Variants in KIRREL3 observed in about 807,000 individuals in gnomAD.
KIRREL3 encodes the protein kirre like nephrin family adhesion molecule 3, also known as kin of IRRE-like protein 3.
A neutral mutation model predicts 89.7 loss-of-function variants in KIRREL3; 36 were observed. The observed-to-expected ratio is 0.40, with a 90% CI of 0.31 to 0.53. The LOEUF is 0.53. KIRREL3 is among the 20% of genes least tolerant of loss of function. The pLI, the probability that KIRREL3 is intolerant of heterozygous loss-of-function variation, is 0.49. For synonymous variants in KIRREL3, 445 were observed against 441.4 expected (o/e 1.01, Z -0.10); for missense variants, 864 against 1,056.6 (o/e 0.82, Z 2.53).
intron 1 of KIRREL3, among the ~76,000 whole-genome samples, chr11:126,745,295 G>T (rs148715258): frequency 9.1e-4 from 138 of 152,142 alleles, no homozygotes; most frequent in African/African-American, 3.2e-3. Context: ...ACATGCTATA[G>T]CAATTCAAAA....
At chr11:126,543,604 C>T (rs1445856202) in intron 2 of KIRREL3, among the ~76,000 whole-genome samples, 1 of 152,054 alleles carries the variant, frequency 6.6e-6, no homozygotes, top group Non-Finnish European at 1.5e-5. Context: ...CACTACTGTG[C>T]CCCCTACCTG....
At position 126,555,214 on chromosome 11, in the gene KIRREL3, T is replaced by A. The variant is rs1182860067; in HGVS notation, c.133+7621A>T. Among the ~76,000 whole-genome samples, 1 of 152,046 alleles carries A rather than the reference T, an allele frequency of 6.6e-6. No homozygotes were observed. The highest frequency in any genetic ancestry group is 1.5e-5 in the Non-Finnish European group (1 of 68,012). ...GTGACTGGCCGGTTCCAGCGTTCAT[T>A]CCCTCTGGTTCCTGCACTTGCTTGC... On this transcript the variant is annotated intron_variant, in intron 2 of 16. Transcript: ENST00000525144. This position sits in a 1 kb window ranked among gnomAD's most constrained non-coding sequence, Gnocchi z 4.2.
intron 1 of KIRREL3, among the ~76,000 whole-genome samples, chr11:126,659,738 G>C (rs927004126): frequency 7.9e-5 from 12 of 152,218 alleles, no homozygotes; most frequent in Non-Finnish European, 1.2e-4. Flanking sequence ...TGATGTGCTT[G>C]ATAACAATGC....
At chr11:126,800,863 G>A (rs1374602622) in intron 1 of KIRREL3, among the ~76,000 whole-genome samples, 1 of 152,208 alleles carries the variant, frequency 6.6e-6, no homozygotes, top group Non-Finnish European at 1.5e-5. Context: ...GGGGGATAAT[G>A]GGATGGTGGA....
rs1949393293 is a variant in KIRREL3 at position 126,970,222 on chromosome 11, T to C, written c.55+30233A>G. 6.6e-6 allele frequency among the ~76,000 whole-genome samples: 1 copy of C among 152,220 alleles called. No homozygotes were observed. The highest frequency in any genetic ancestry group is 6.5e-5 in the Admixed American group (1 of 15,284). On this transcript the variant is annotated intron_variant, in intron 1 of 16. Transcript: ENST00000525144. The surrounding 1 kb of genome is among the most constrained non-coding windows in gnomAD (Gnocchi z 4.4). ...TAATTCCACTTAAGACACTCTTGTTTCCCCGTATTTTTACTCATTTCCTTT... is the reference window on the plus strand; with the variant it reads ...TAATTCCACTTAAGACACTCTTGTTCCCCCGTATTTTTACTCATTTCCTTT...
chr11:126,799,320 A>T (rs554000210), intron 1 of KIRREL3, among the ~76,000 whole-genome samples: 37 of 27,776 alleles, frequency 1.3e-3, no homozygotes, highest in African/African-American at 6.6e-3. Flanking sequence ...GTGTGTACCT[A>T]TGTGTATCTG....
chr11:126,808,200 G>T lies in KIRREL3; in HGVS notation c.55+192255C>A, dbSNP rs1951266553. On this transcript the variant is annotated intron_variant, in intron 1 of 16. Transcript: ENST00000525144. This position sits in a 1 kb window ranked among gnomAD's most constrained non-coding sequence, Gnocchi z 4.1. The stretch of plus-strand genomic sequence containing the variant: ...TCATCTTGAGGCTGGGAGCATAAAG[G>T]AAAGAGGGATCCATGGAGTAAGAGG... 6.6e-6 allele frequency among the ~76,000 whole-genome samples: 1 copy of T among 152,196 alleles called. No homozygotes were observed. The highest frequency in any genetic ancestry group is 1.5e-5 in the Non-Finnish European group (1 of 68,016).
chr11:126,929,629 C>T (rs1036906338), intron 1 of KIRREL3, among the ~76,000 whole-genome samples: 1 of 152,204 alleles, frequency 6.6e-6, no homozygotes. Context: ...TTTGCAGCAG[C>T]AAGACCCAGA....
Position 126,553,444 on chromosome 11 carries a change from C to G in KIRREL3, c.133+9391G>C, listed in dbSNP as rs1210675519. On this transcript the variant is annotated intron_variant, in intron 2 of 16. Coordinates refer to ENST00000525144, the MANE Select transcript of KIRREL3 (RefSeq NM_032531.4). This position sits in a 1 kb window ranked among gnomAD's most constrained non-coding sequence, Gnocchi z 4.7. ...TCTTCCACATAGCCACTGGCAGTCT[C>G]TGTCTCTCTTGCTGGCAGACAGAAT... is the stretch of plus-strand genomic sequence containing the variant. Among the ~76,000 whole-genome samples the G allele has an allele frequency of 1.3e-5, 2 of 152,222 alleles. No homozygotes were observed. Among genetic ancestry groups the G allele is most frequent in the African/African-American group, 2.4e-5 (1 of 41,454 alleles).
intron 2 of KIRREL3, chr11:126,549,962 T>G (rs1018586227): frequency 6.6e-6 from 1 of 152,240 alleles, no homozygotes; most frequent in Non-Finnish European, 1.5e-5. Context: ...CCAGAAGCCA[T>G]GCTGGACACT....
rs1344229010 is a variant in KIRREL3 at position 126,668,962 on chromosome 11, T to A, written c.56-106050A>T. 6.6e-6 allele frequency among the ~76,000 whole-genome samples: 1 copy of A among 151,876 alleles called. No homozygotes were observed. Among genetic ancestry groups the A allele is most frequent in the African/African-American group, 2.4e-5 (1 of 41,306 alleles). Reference sequence around the variant, plus strand: ...GGGTGCTGGGTACTGACAGTAAGAGTGTCCAGGATGAGGGAATGCATGTTT... The same window carrying A: ...GGGTGCTGGGTACTGACAGTAAGAGAGTCCAGGATGAGGGAATGCATGTTT... On this transcript the variant is annotated intron_variant, in intron 1 of 16. Coordinates refer to ENST00000525144, the MANE Select transcript of KIRREL3 (RefSeq NM_032531.4). This position sits in a 1 kb window ranked among gnomAD's most constrained non-coding sequence, Gnocchi z 4.4.
chr11:126,526,433 T>C lies in KIRREL3; in HGVS notation c.283+105A>G, dbSNP rs1958755116. On this transcript the variant is annotated intron_variant, in intron 3 of 16. Coordinates refer to ENST00000525144, the MANE Select transcript of KIRREL3 (RefSeq NM_032531.4). This position sits in a 1 kb window ranked among gnomAD's most constrained non-coding sequence, Gnocchi z 5.7. The stretch of plus-strand genomic sequence containing the variant: ...AGGAGTTGCAGTGAAAGCTAGAGAT[T>C]CGATACTCAGACACCTGTGAAGATG... 1.8e-6 allele frequency: 2 copies of C among 1,137,184 alleles called. No homozygotes were observed. Among genetic ancestry groups the C allele is most frequent in the Non-Finnish European group, 2.5e-6 (2 of 800,824 alleles). 70.4% of individuals were successfully genotyped at this position (1,137,184 alleles called of 1,614,324 possible).
chr11:126,732,603 G>A (rs1405474403), intron 1 of KIRREL3, among the ~76,000 whole-genome samples: 1 of 152,220 alleles, frequency 6.6e-6, no homozygotes, highest in Non-Finnish European at 1.5e-5. Flanking sequence ...GTGAGAGAGT[G>A]ACTGTTTCCT....
chr11:126,860,045 G>A lies in KIRREL3; in HGVS notation c.55+140410C>T, dbSNP rs761422234. Among the ~76,000 whole-genome samples the A allele has an allele frequency of 1.3e-5, 2 of 152,294 alleles. No individual in the cohort carries two copies. Among genetic ancestry groups the A allele is most frequent in the East Asian group, 1.9e-4 (1 of 5,184 alleles). On this transcript the variant is annotated intron_variant, in intron 1 of 16. Coordinates refer to ENST00000525144, the MANE Select transcript of KIRREL3 (RefSeq NM_032531.4). The surrounding 1 kb of genome is among the most constrained non-coding windows in gnomAD (Gnocchi z 4.6). ...GACGTTCTACTATTGTCTGAGAAGC[G>A]TAATCTGAAAGGGGACAGACATTTT...
chr11:126,763,204 C>T lies in KIRREL3; in HGVS notation c.56-200292G>A, dbSNP rs1381325576. On this transcript the variant is annotated intron_variant, in intron 1 of 16. Coordinates refer to ENST00000525144, the MANE Select transcript of KIRREL3 (RefSeq NM_032531.4). The surrounding 1 kb of genome is among the most constrained non-coding windows in gnomAD (Gnocchi z 4.7). ...GTGATCTTGAACAACTCCTCTTCTC[C>T]CTGAGCAAAATGAGGGGGCTAGATG... 6.6e-6 allele frequency among the ~76,000 whole-genome samples: 1 copy of T among 152,148 alleles called. No homozygotes were observed. The highest frequency in any genetic ancestry group is 1.5e-5 in the Non-Finnish European group (1 of 68,034).
At chr11:126,633,501 C>A (rs576454208) in intron 1 of KIRREL3, among the ~76,000 whole-genome samples, 1 of 152,168 alleles carries the variant, frequency 6.6e-6, no homozygotes, top group African/African-American at 2.4e-5. Context: ...TCTTCGTTCC[C>A]ACAAGAATTG....
rs1021908461 is a variant in KIRREL3, at chr11:126,561,503, A to G, written c.133+1332T>C. Among the ~76,000 whole-genome samples, 1 of 152,216 alleles carries G rather than the reference A, an allele frequency of 6.6e-6. No individual in the cohort carries two copies. The highest frequency in any genetic ancestry group is 2.4e-5 in the African/African-American group (1 of 41,456). On this transcript the variant is annotated intron_variant, in intron 2 of 16. Transcript: ENST00000525144. This position sits in a 1 kb window ranked among gnomAD's most constrained non-coding sequence, Gnocchi z 4.5. Reference sequence around the variant, plus strand: ...GCACCACGGACAGAGGCACGCTGTCAGTTCCCACAAATTAGAAGTTACTGC... The same window carrying G: ...GCACCACGGACAGAGGCACGCTGTCGGTTCCCACAAATTAGAAGTTACTGC...
rs1045621323 is a variant in KIRREL3 at position 126,687,645 on chromosome 11, C to T, written c.56-124733G>A. Among the ~76,000 whole-genome samples, 2 of 152,172 alleles carry T rather than the reference C, an allele frequency of 1.3e-5. No individual in the cohort carries two copies. The highest frequency in any genetic ancestry group is 2.9e-5 in the Non-Finnish European group (2 of 68,028). ...GATAGAGTAAATCATTGATATTTTT[C>T]CCCATTGCTTCATTCAACAAATTTA... On this transcript the variant is annotated intron_variant, in intron 1 of 16. Coordinates refer to ENST00000525144, the MANE Select transcript of KIRREL3 (RefSeq NM_032531.4). This position sits in a 1 kb window ranked among gnomAD's most constrained non-coding sequence, Gnocchi z 4.6.
At chr11:126,529,137 C>T (rs544164981) in intron 2 of KIRREL3, among the ~76,000 whole-genome samples, 9 of 152,242 alleles carry the variant, frequency 5.9e-5, no homozygotes, top group East Asian at 5.8e-4. Flanking sequence ...GGTCTCTCCC[C>T]GTCCTGTGTC....
Sources: gnomAD v4.1 joint callset for allele counts (sites outside exome capture counted in the v4.1 genomes callset) on GRCh38, gnomAD v4.1.1 for gene constraint, Gnocchi (gnomAD v3.1) non-coding constraint, MANE v1.5 for transcripts, NCBI Gene and HGNC (gene_info 2026-07-23, HGNC 2026-07-21) for gene names.